The following DPYD variants were observed in gnomAD, a reference collection of about 807,000 sequenced individuals.
The protein encoded by DPYD is dihydropyrimidine dehydrogenase [NADP(+)].
In DPYD, 109 loss-of-function variants were observed where a neutral mutation model predicts 116.2. The observed-to-expected ratio is 0.94, with a 90% CI of 0.80 to 1.10. DPYD has a LOEUF of 1.10. DPYD is among the 50% of genes least tolerant of loss of function. The probability of loss-of-function intolerance (pLI) is 0.00; values close to 1 mark genes in which losing one functional copy is unlikely to be tolerated. For missense variants in DPYD, 1,302 were observed against 1,254.5 expected (o/e 1.04, Z -0.57); for synonymous variants, 440 against 432.0 (o/e 1.02, Z -0.23).
intron 19 of DPYD, among the ~76,000 whole-genome samples, chr1:97,212,224 A>G (rs1660079882): frequency 6.6e-6 from 1 of 152,092 alleles, no homozygotes; most frequent in African/African-American, 2.4e-5. Context: ...GCCACTGTTC[A>G]CCACCTCCCC....
chr1:97,338,137 C>CT (rs1344842584), intron 16 of DPYD, among the ~76,000 whole-genome samples: 1 of 152,188 alleles, frequency 6.6e-6, no homozygotes, highest in Non-Finnish European at 1.5e-5. Context: ...TCACCTGCCA[C>CT]TTTAACCCCA....
chr1:97,409,247 A>G (rs1673844340), intron 14 of DPYD, among the ~76,000 whole-genome samples: 1 of 152,174 alleles, frequency 6.6e-6, no homozygotes, highest in Non-Finnish European at 1.5e-5. Flanking sequence ...AAATAATATT[A>G]TTATAATTAT....
At chr1:97,190,241 C>T (rs893355487) in intron 20 of DPYD, among the ~76,000 whole-genome samples, 48 of 152,094 alleles carry the variant, frequency 3.2e-4, no homozygotes, top group African/African-American at 1.1e-3. Context: ...TCTTTTTCAG[C>T]TCAAAATTAT....
intron 14 of DPYD, among the ~76,000 whole-genome samples, chr1:97,447,490 T>C (rs185797504): frequency 6.6e-6 from 1 of 152,274 alleles, no homozygotes; most frequent in East Asian, 1.9e-4. Flanking sequence ...AAACGTTATC[T>C]TCGATATGAG....
chr1:97,667,308 A>T (rs1659619679), intron 8 of DPYD, among the ~76,000 whole-genome samples: 1 of 152,136 alleles, frequency 6.6e-6, no homozygotes, highest in South Asian at 2.1e-4. Flanking sequence ...CCTTTGGCAT[A>T]TAATCTAATT....
intron 12 of DPYD, among the ~76,000 whole-genome samples, chr1:97,530,563 T>C (rs1157758923): frequency 1.3e-5 from 2 of 152,224 alleles, no homozygotes; most frequent in African/African-American, 2.4e-5. Context: ...ATCTTGGCTA[T>C]TGTGAATAAT....
At chr1:97,145,925 C>T (rs890244303) in intron 20 of DPYD, among the ~76,000 whole-genome samples, 3 of 151,962 alleles carry the variant, frequency 2.0e-5, no homozygotes, top group African/African-American at 4.8e-5. Flanking sequence ...TCTGAGAATA[C>T]AAAACCTCAA....
chr1:97,289,091 A>G (rs1665942712), intron 18 of DPYD, among the ~76,000 whole-genome samples: 1 of 152,250 alleles, frequency 6.6e-6, no homozygotes, highest in Non-Finnish European at 1.5e-5. Flanking sequence ...ATCTAGAAGA[A>G]ATGGATAAAT....
At chr1:97,495,573 T>A (rs1376404510) in intron 13 of DPYD, among the ~76,000 whole-genome samples, 1 of 152,116 alleles carries the variant, frequency 6.6e-6, no homozygotes, top group Non-Finnish European at 1.5e-5. Flanking sequence ...AGCATTTGAA[T>A]CTGTGAAGTG....
intron 8 of DPYD, among the ~76,000 whole-genome samples, chr1:97,662,691 C>T (rs1011129984): frequency 6.6e-6 from 1 of 152,108 alleles, no homozygotes; most frequent in African/African-American, 2.4e-5. Flanking sequence ...TGTGGACTAA[C>T]CTTTTTTTGC....
intron 3 of DPYD, among the ~76,000 whole-genome samples, chr1:97,794,808 T>C (rs565489715): frequency 2.0e-5 from 3 of 152,338 alleles, no homozygotes; most frequent in African/African-American, 7.2e-5. Context: ...CATAGATTTT[T>C]AGTACACATA....
intron 16 of DPYD, among the ~76,000 whole-genome samples, chr1:97,352,793 C>T (rs1271414752): frequency 1.3e-5 from 2 of 152,104 alleles, no homozygotes; most frequent in East Asian, 3.9e-4. Context: ...GTAAAGTGCA[C>T]CTTTCGTGAA....
At chr1:97,696,162 G>GA (rs930292908) in intron 6 of DPYD, among the ~76,000 whole-genome samples, 83 of 142,072 alleles carry the variant, frequency 5.8e-4, no homozygotes, top group East Asian at 5.1e-3. Context: ...AAGAAAAAAA[G>GA]AAAAAAAAAA....
At chr1:97,135,910 A>T (rs1653751140) in intron 20 of DPYD, among the ~76,000 whole-genome samples, 1 of 152,302 alleles carries the variant, frequency 6.6e-6, no homozygotes, top group Admixed American at 6.5e-5. Context: ...TTCCTCTACA[A>T]TGGACTATGG....
At chr1:97,239,625 A>G (rs978667735) in intron 18 of DPYD, among the ~76,000 whole-genome samples, 53 of 152,210 alleles carry the variant, frequency 3.5e-4, no homozygotes, top group Middle Eastern at 3.4e-3. Flanking sequence ...GAAACAATTC[A>G]CATTTGTTAG....
intron 20 of DPYD, among the ~76,000 whole-genome samples, chr1:97,171,362 G>T (rs1656714137): frequency 6.6e-6 from 1 of 152,212 alleles, no homozygotes; most frequent in South Asian, 2.1e-4. Flanking sequence ...CACTGGGAAA[G>T]AGGTAAAACG....
At chr1:97,118,786 TAA>T (rs1652187319) in intron 20 of DPYD, among the ~76,000 whole-genome samples, 1 of 152,170 alleles carries the variant, frequency 6.6e-6, no homozygotes, top group Non-Finnish European at 1.5e-5. Context: ...AAAAATATTC[TAA>T]GTTTTATAAT....
intron 3 of DPYD, among the ~76,000 whole-genome samples, chr1:97,741,631 T>G (rs1445224666): frequency 6.6e-6 from 1 of 152,166 alleles, no homozygotes; most frequent in African/African-American, 2.4e-5. Context: ...ATTCATTTAT[T>G]TAATACATAT....
chr1:97,918,413 T>A (rs533332402), intron 1 of DPYD, among the ~76,000 whole-genome samples: 1 of 152,174 alleles, frequency 6.6e-6, no homozygotes, highest in Non-Finnish European at 1.5e-5. Context: ...TGATTTCTCA[T>A]GCAACTTCTA....
Sources: allele counts gnomAD v4.1 joint callset (sites outside exome capture counted in the v4.1 genomes callset), GRCh38; gene constraint gnomAD v4.1.1; transcripts MANE v1.5; gene names NCBI Gene and HGNC (gene_info 2026-07-23, HGNC 2026-07-21).